WWOX: variants seen among roughly 807,000 people sequenced by gnomAD.
WWOX encodes WW domain containing oxidoreductase, also known as WW domain-containing oxidoreductase.
WWOX carries 69 observed loss-of-function variants against 46.2 expected under a neutral mutation model. The ratio of observed to expected loss-of-function variants is 1.49; its 90% CI spans 1.23 to 1.82. WWOX has a LOEUF of 1.82. Among genes scored for constraint, WWOX ranks in the 40% most tolerant of loss-of-function variants. The pLI is 0.00. For missense variants in WWOX, 919 were observed against 542.6 expected (o/e 1.69, Z -6.89); for synonymous variants, 359 against 202.6 (o/e 1.77, Z -6.56).
At chr16:78,291,537 A>G (rs541130376) in intron 5 of WWOX, among the ~76,000 whole-genome samples, 1 of 152,260 alleles carries the variant, frequency 6.6e-6, no homozygotes, top group African/African-American at 2.4e-5. Flanking sequence ...AAAACTGCAG[A>G]GGTTTCTTAT....
At chr16:78,726,137 T>TCCC in intron 8 of WWOX, among the ~76,000 whole-genome samples, 1 of 110,350 alleles carries the variant, frequency 9.1e-6, no homozygotes, top group African/African-American at 3.3e-5. Context: ...CCCTCTCTCT[T>TCCC]TTTCTCTTTC....
At chr16:78,830,758 A>G (rs1416295014) in intron 8 of WWOX, among the ~76,000 whole-genome samples, 1 of 151,606 alleles carries the variant, frequency 6.6e-6, no homozygotes, top group Non-Finnish European at 1.5e-5. Context: ...ATTGGAGGGA[A>G]CATCTGAGCA....
intron 8 of WWOX, among the ~76,000 whole-genome samples, chr16:79,046,539 T>G (rs1169305745): frequency 6.6e-6 from 1 of 152,162 alleles, no homozygotes; most frequent in Non-Finnish European, 1.5e-5. Flanking sequence ...GCCCTTCTTG[T>G]GCATCTTCAC....
intron 8 of WWOX, among the ~76,000 whole-genome samples, chr16:78,744,206 G>A (rs1336108814): frequency 1.3e-5 from 2 of 152,216 alleles, no homozygotes; most frequent in South Asian, 2.1e-4. Context: ...TGAGAGCTGG[G>A]TAAGAGTTTG....
chr16:78,564,823 C>G (rs927021320), intron 8 of WWOX, among the ~76,000 whole-genome samples: 1 of 152,062 alleles, frequency 6.6e-6, no homozygotes, highest in African/African-American at 2.4e-5. Context: ...ATTTACGGAT[C>G]ATCAGTTTTA....
At chr16:78,418,991 A>T (rs2151954966) in intron 6 of WWOX, among the ~76,000 whole-genome samples, 1 of 152,350 alleles carries the variant, frequency 6.6e-6, no homozygotes, top group African/African-American at 2.4e-5. Flanking sequence ...AAAGATCCAG[A>T]TTGAAAAGAA....
At chr16:78,766,146 G>T (rs1197872446) in intron 8 of WWOX, among the ~76,000 whole-genome samples, 1 of 152,174 alleles carries the variant, frequency 6.6e-6, no homozygotes, top group Non-Finnish European at 1.5e-5. Context: ...GTGGGAACTG[G>T]GTCAGGTTCC....
chr16:78,114,890 GGGGTTTTC>G, intron 3 of WWOX, 78 bp from the exon 4 acceptor site: 1 of 1,563,358 alleles, frequency 6.4e-7, no homozygotes, highest in Non-Finnish European at 8.8e-7. Flanking sequence ...TATGAAAAAT[GGGGTTTTC>G]CTAAAGTATA....
chr16:78,660,679 A>C (rs1295230717), intron 8 of WWOX, among the ~76,000 whole-genome samples: 1 of 152,180 alleles, frequency 6.6e-6, no homozygotes, highest in Non-Finnish European at 1.5e-5. Flanking sequence ...CAGACCTTTC[A>C]GTAAGATAGT....
At chr16:79,068,498 G>A (rs992534665) in intron 8 of WWOX, among the ~76,000 whole-genome samples, 2 of 152,002 alleles carry the variant, frequency 1.3e-5, no homozygotes, top group Admixed American at 6.6e-5. Flanking sequence ...CACTGCACGT[G>A]TAGGAAGCTC....
intron 5 of WWOX, among the ~76,000 whole-genome samples, chr16:78,175,619 C>A (rs930294023): frequency 6.6e-6 from 1 of 152,168 alleles, no homozygotes; most frequent in Non-Finnish European, 1.5e-5. Context: ...TATATGATCC[C>A]CCTTGGAATC....
chr16:79,155,247 G>A (rs987186866), intron 8 of WWOX, among the ~76,000 whole-genome samples: 5 of 152,100 alleles, frequency 3.3e-5, no homozygotes, highest in African/African-American at 1.2e-4. Context: ...ATGGTGGCGT[G>A]TGCCTGTAGT....
chr16:78,469,158 G>C (rs565894621), intron 8 of WWOX, among the ~76,000 whole-genome samples: 3 of 152,300 alleles, frequency 2.0e-5, no homozygotes, highest in East Asian at 3.9e-4. Flanking sequence ...GTTGCAAGAA[G>C]TCACCACATG....
At chr16:78,382,430 A>C (rs2151930477) in intron 5 of WWOX, among the ~76,000 whole-genome samples, 1 of 152,312 alleles carries the variant, frequency 6.6e-6, no homozygotes, top group African/African-American at 2.4e-5. Context: ...AGCTGGGCCC[A>C]CTGACCTACA....
At chr16:78,622,682 T>C (rs61408223) in intron 8 of WWOX, among the ~76,000 whole-genome samples, 109,568 of 151,346 alleles carry the variant, frequency 0.72, 39,823 homozygotes, top group African/African-American at 0.77. Flanking sequence ...GTAGGTGGGA[T>C]ATGGGAGACT....
At chr16:78,277,918 A>G (rs948817830) in intron 5 of WWOX, among the ~76,000 whole-genome samples, 13 of 152,228 alleles carry the variant, frequency 8.5e-5, no homozygotes, top group African/African-American at 2.9e-4. Context: ...ATTTTTGAAC[A>G]TGGAATTTGT....
intron 8 of WWOX, among the ~76,000 whole-genome samples, chr16:78,879,385 C>G (rs2044296669): frequency 6.6e-6 from 1 of 152,098 alleles, no homozygotes; most frequent in Non-Finnish European, 1.5e-5. Context: ...TGTCTTATTT[C>G]AAATTCCCAA....
At chr16:79,115,345 C>T (rs1406608767) in intron 8 of WWOX, among the ~76,000 whole-genome samples, 1 of 152,138 alleles carries the variant, frequency 6.6e-6, no homozygotes, top group East Asian at 1.9e-4. Flanking sequence ...TTGGAAACAG[C>T]AACATCAGGA....
At chr16:78,199,781 A>G (rs1212488453) in intron 5 of WWOX, among the ~76,000 whole-genome samples, 6 of 141,870 alleles carry the variant, frequency 4.2e-5, no homozygotes, top group Admixed American at 3.4e-4. Flanking sequence ...TGAGTTCCAG[A>G]CTCCAAGATC....
Sources: gnomAD v4.1 joint callset for allele counts (sites outside exome capture counted in the v4.1 genomes callset) on GRCh38, gnomAD v4.1.1 for gene constraint, MANE v1.5 for transcripts, NCBI Gene and HGNC (gene_info 2026-07-23, HGNC 2026-07-21) for gene names.